Variants in BIRC6 observed in about 807,000 individuals in gnomAD.
BIRC6 encodes baculoviral IAP repeat containing 6.
In BIRC6, 98 loss-of-function variants were observed where a neutral mutation model predicts 503.3. The observed-to-expected ratio is 0.19, with a 90% CI of 0.17 to 0.23. The LOEUF is 0.23. BIRC6 is among the 10% of genes least tolerant of loss of function. The pLI, the probability that BIRC6 is intolerant of heterozygous loss-of-function variation, is 1.00. For synonymous variants in BIRC6, 2,240 were observed against 2,078.7 expected (o/e 1.08, Z -2.11); for missense variants, 5,360 against 5,806.0 (o/e 0.92, Z 2.50).
At chr2:32,586,119 A>G (rs2061002467) in intron 66 of BIRC6, among the ~76,000 whole-genome samples, 1 of 152,086 alleles carries the variant, frequency 6.6e-6, no homozygotes. Flanking sequence ...TACCACTACT[A>G]CCCACTACCC....
intron 51 of BIRC6, among the ~76,000 whole-genome samples, chr2:32,509,443 A>C (rs183580089): frequency 1.3e-5 from 2 of 152,146 alleles, no homozygotes; most frequent in Admixed American, 1.3e-4. Flanking sequence ...TTAGTAGATA[A>C]GGGGTTTCAC....
At chr2:32,358,135 C>A (rs1474627685) in intron 1 of BIRC6, among the ~76,000 whole-genome samples, 1 of 152,064 alleles carries the variant, frequency 6.6e-6, no homozygotes, top group Non-Finnish European at 1.5e-5. Context: ...ACTCTGCGGA[C>A]GCCGAAGACG....
chr2:32,512,168 A>G (rs895168606), intron 53 of BIRC6, among the ~76,000 whole-genome samples: 3 of 152,204 alleles, frequency 2.0e-5, no homozygotes, highest in African/African-American at 7.2e-5. Flanking sequence ...TTTATTCCCC[A>G]TCATGTGAAA....
Position 32,575,268 on chromosome 2 carries a change from C to T in BIRC6, c.13257C>T (p.Asn4419=), listed in dbSNP as rs780711361. Residue 4419 remains asparagine, a synonymous_variant, in exon 66 of 74, where the codon AAC becomes AAT. Transcript: ENST00000421745. ...TATTGTTGCCCCTTTCTACAGAGAA[C>T]GGTGAAGAGGAAGAAGAACAGTCAG... ...VPLLLPLSTE[N]GEEEEEQSEC... 2.5e-5 allele frequency: 41 copies of T among 1,613,804 alleles called. No homozygotes were observed. Among genetic ancestry groups the T allele is most frequent in the Non-Finnish European group, 2.8e-5 (33 of 1,179,874 alleles).
At chr2:32,373,085 T>C (rs992447456) in intron 1 of BIRC6, among the ~76,000 whole-genome samples, 3 of 152,242 alleles carry the variant, frequency 2.0e-5, no homozygotes, top group Non-Finnish European at 2.9e-5. Flanking sequence ...CCAGTTGTTC[T>C]GCATCCTTGC....
At position 32,510,509 on chromosome 2, in the gene BIRC6, G is replaced by C. The variant is rs1265043686; in HGVS notation, c.10238-17G>C. 2 of 1,461,312 alleles carry C rather than the reference G, an allele frequency of 1.4e-6. No individual in the cohort carries two copies. Among genetic ancestry groups the C allele is most frequent in the Admixed American group, 3.5e-5 (2 of 56,546 alleles). 90.5% of individuals were successfully genotyped at this position (1,461,312 alleles called of 1,614,324 possible). On this transcript the variant is annotated splice_polypyrimidine_tract_variant and intron_variant, in intron 52 of 73. Coordinates refer to ENST00000421745, the MANE Select transcript of BIRC6 (RefSeq NM_016252.4). ...TGCTTATTTAGCAAACTTTTTCTTT[G>C]GATTCTTTGTTGCAAGATTTGAATA...
At chr2:32,559,383 C>G (rs2058999852) in intron 65 of BIRC6, among the ~76,000 whole-genome samples, 1 of 152,174 alleles carries the variant, frequency 6.6e-6, no homozygotes, top group Non-Finnish European at 1.5e-5. Context: ...TGTTGTGCCT[C>G]TGTTCTTTGT....
chr2:32,457,761 G>C (rs930152761), intron 23 of BIRC6, among the ~76,000 whole-genome samples: 1 of 151,664 alleles, frequency 6.6e-6, no homozygotes, highest in Non-Finnish European at 1.5e-5. Flanking sequence ...ATCTCTTTTT[G>C]TACTTATCTA....
chr2:32,493,462 T>C, intron 44 of BIRC6, 78 bp from the exon 45 acceptor site: 1 of 1,381,022 alleles, frequency 7.2e-7, no homozygotes, highest in South Asian at 1.5e-5. Context: ...TTTGACTTTC[T>C]ACTTGATAAT....
intron 65 of BIRC6, among the ~76,000 whole-genome samples, chr2:32,553,112 G>A (rs1315780929): frequency 1.5e-5 from 2 of 133,822 alleles, no homozygotes; most frequent in Non-Finnish European, 3.1e-5. Context: ...CAGGAGAATC[G>A]CTTGAACCCA....
intron 45 of BIRC6, 51 bp from the exon 46 acceptor site, chr2:32,499,496 T>C (rs559549366): frequency 7.0e-7 from 1 of 1,420,210 alleles, no homozygotes; most frequent in Admixed American, 2.7e-5. Flanking sequence ...TTTCTCTTGT[T>C]GTATCTCTCT....
At chr2:32,586,645 C>T (rs2061055751) in intron 66 of BIRC6, among the ~76,000 whole-genome samples, 1 of 151,916 alleles carries the variant, frequency 6.6e-6, no homozygotes, top group Non-Finnish European at 1.5e-5. Flanking sequence ...TCTTGAACTC[C>T]TGAGCTCAAG....
At chr2:32,378,102 A>G (rs1468449269) in intron 2 of BIRC6, among the ~76,000 whole-genome samples, 2 of 152,076 alleles carry the variant, frequency 1.3e-5, no homozygotes, top group African/African-American at 4.8e-5. Context: ...GCCAACCTCA[A>G]CACTTGGGTT....
chr2:32,603,332 C>T (rs2062192797), intron 71 of BIRC6, among the ~76,000 whole-genome samples: 1 of 151,956 alleles, frequency 6.6e-6, no homozygotes, highest in Non-Finnish European at 1.5e-5. Context: ...AAAAAAATTC[C>T]AGGCCAGGCG....
intron 38 of BIRC6, among the ~76,000 whole-genome samples, chr2:32,481,804 T>TAA (rs1406706754): frequency 6.6e-6 from 1 of 151,934 alleles, no homozygotes; most frequent in East Asian, 1.9e-4. Flanking sequence ...AAAGGGAAGT[T>TAA]TTCAGTCTCA....
chr2:32,612,810 A>G (rs2062969555), intron 73 of BIRC6, among the ~76,000 whole-genome samples: 2 of 152,216 alleles, frequency 1.3e-5, no homozygotes, highest in Non-Finnish European at 2.9e-5. Context: ...TTTTCACTAT[A>G]AAAATGTTTT....
rs938960893 is a variant in BIRC6 at position 32,515,073 on chromosome 2, A to G, written c.10652A>G (p.His3551Arg). Residue 3551 changes from histidine (H) to arginine (R), a missense_variant, in exon 55 of 74, where the codon CAC becomes CGC. This residue lies in a region of BIRC6 where 878 missense variants were observed against 928.9 expected (regional missense o/e 0.95). Coordinates refer to ENST00000421745, the MANE Select transcript of BIRC6 (RefSeq NM_016252.4). ...GACAGTCTACTTTGCTCAATGTGTC[A>G]CGTACACCCAAACTATTTTTCTTTG... is the stretch of plus-strand genomic sequence containing the variant. ...AVDSLLCSMCHVHPNYFSLLM... is the reference protein window; with the variant it reads ...AVDSLLCSMCRVHPNYFSLLM... 1 of 1,613,790 alleles carries G rather than the reference A, an allele frequency of 6.2e-7. No homozygotes were observed. The highest frequency in any genetic ancestry group is 8.5e-7 in the Non-Finnish European group (1 of 1,179,870).
rs140647773 is a variant in BIRC6, at chr2:32,583,378, C to T, written c.13355+8012C>T. Among the ~76,000 whole-genome samples the T allele has an allele frequency of 3.9e-3, 597 of 152,196 alleles. 6 individuals are homozygous for T. The highest frequency in any genetic ancestry group is 0.014 in the African/African-American group (566 of 41,534). ...TTTCCTAATACCCCCTTTCAAGAGT[C>T]GTGATTTGTAATAACTGCATGGTGT... On this transcript the variant is annotated intron_variant, in intron 66 of 73. Transcript: ENST00000421745.
intron 52 of BIRC6, 39 bp downstream of exon 52, chr2:32,510,033 G>T (rs1395287702): frequency 2.5e-6 from 4 of 1,600,784 alleles, no homozygotes; most frequent in South Asian, 1.1e-5. Context: ...TTACATATCT[G>T]TAAAGTAACA....
Sources: gnomAD v4.1 joint callset for allele counts (sites outside exome capture counted in the v4.1 genomes callset) on GRCh38, gnomAD v4.1.1 for gene constraint, gnomAD v4.1.1 regional missense constraint, MANE v1.5 for transcripts, NCBI Gene and HGNC (gene_info 2026-07-23, HGNC 2026-07-21) for gene names.